BSPRY: variants seen among roughly 807,000 people sequenced by gnomAD.
BSPRY encodes the protein B box and SPRY domain-containing protein.
A neutral mutation model predicts 38.0 loss-of-function variants in BSPRY; 33 were observed. That is an observed-to-expected ratio of 0.87 (90% CI 0.66 to 1.16). The LOEUF is 1.16. Among genes scored for constraint, BSPRY ranks in the 50% most tolerant of loss-of-function variants. The probability of loss-of-function intolerance (pLI) is 0.00; values close to 1 mark genes in which losing one functional copy is unlikely to be tolerated. For synonymous variants in BSPRY, 224 were observed against 228.5 expected (o/e 0.98, Z 0.18); for missense variants, 523 against 533.2 (o/e 0.98, Z 0.19).
In BSPRY at chr9:113,349,716, G is replaced by T. The variant is rs1463893255; in HGVS notation, c.137G>T (p.Gly46Val). ...ERRPVCAACAGLGGRCRGHRI... is the reference protein window; with the variant it reads ...ERRPVCAACAVLGGRCRGHRI... ...CGGCCCGTGTGCGCCGCCTGCGCGGGGTTGGGCGGTCGCTGCCGGGGGCAC... is the reference window on the plus strand; with the variant it reads ...CGGCCCGTGTGCGCCGCCTGCGCGGTGTTGGGCGGTCGCTGCCGGGGGCAC... The change falls in exon 1 of 6, where the codon GGG becomes GTG. Residue 46 changes from glycine to valine, a missense_variant. Coordinates refer to ENST00000374183, the MANE Select transcript of BSPRY (RefSeq NM_017688.3). 2 of 1,239,692 alleles carry T rather than the reference G, an allele frequency of 1.6e-6. No individual in the cohort carries two copies. Among genetic ancestry groups the T allele is most frequent in the East Asian group, 6.6e-5 (2 of 30,458 alleles). 76.8% of individuals were successfully genotyped at this position (1,239,692 alleles called of 1,614,324 possible). A position where few individuals can be genotyped will look rare whatever the true frequency, so the allele number is the denominator to read the frequency against.
Position 113,369,892 on chromosome 9 carries a change from A to G in BSPRY, c.959A>G (p.His320Arg). The G allele has an allele frequency of 1.2e-6, 2 of 1,614,236 alleles. No homozygotes were observed. Among genetic ancestry groups the G allele is most frequent in the Non-Finnish European group, 1.7e-6 (2 of 1,180,032 alleles). ...TCTGGCAGTGACTGCCGTCTGGGCC[A>G]CAATGCCTTCTCCTGGGTCTTCTCT... ...KGSGSDCRLG[H>R]NAFSWVFSRY... is the part of the protein sequence containing the mutation. Residue 320 changes from histidine to arginine, a missense_variant, in exon 6 of 6, where the codon CAC becomes CGC. His to Arg is a conservative substitution (Grantham distance 29). Coordinates refer to ENST00000374183, the MANE Select transcript of BSPRY (RefSeq NM_017688.3).
Position 113,369,906 on chromosome 9 carries a change from TG to T in BSPRY, c.976del (p.Val326SerfsTer31), listed in dbSNP as rs1175524522. The T allele has an allele frequency of 6.2e-7, 1 of 1,614,120 alleles. No homozygotes were observed. Among genetic ancestry groups the T allele is most frequent in the African/African-American group, 1.3e-5 (1 of 74,948 alleles). On this transcript the variant is annotated frameshift_variant, in exon 6 of 6. Coordinates refer to ENST00000374183, the MANE Select transcript of BSPRY (RefSeq NM_017688.3). LOFTEE classifies it high-confidence loss of function. Reference sequence around the variant, plus strand: ...CCGTCTGGGCCACAATGCCTTCTCCTGGGTCTTCTCTCGCTATGATCAGGAG... The same window carrying T: ...CCGTCTGGGCCACAATGCCTTCTCCTGGTCTTCTCTCGCTATGATCAGGAG... ...DCRLGHNAFSWVFSRYDQEFR... is the reference protein window; with the variant it reads ...DCRLGHNAFSXVFSRYDQEFR...
chr9:113,366,938 G>A (rs946835052), intron 4 of BSPRY, among the ~76,000 whole-genome samples: 4 of 152,298 alleles, frequency 2.6e-5, no homozygotes, highest in South Asian at 2.1e-4. Context: ...GTGTGTACTC[G>A]GAACCACTGC....
rs745872082 is a variant in BSPRY at position 113,370,074 on chromosome 9, G to A, written c.1141G>A (p.Val381Met). Reference protein sequence around the residue: ...ASGTVLCAHHVSFPGPLFPVF... With the variant: ...ASGTVLCAHHMSFPGPLFPVF... ...CGGCACAGTGCTCTGTGCCCATCAT[G>A]TGTCCTTCCCGGGGCCCCTCTTCCC... The change falls in exon 6 of 6, where the codon GTG (valine) becomes ATG (methionine). Residue 381 changes from valine (V) to methionine (M), a missense_variant. Coordinates refer to ENST00000374183, the MANE Select transcript of BSPRY (RefSeq NM_017688.3). This position sits in a 1 kb window ranked among gnomAD's most constrained non-coding sequence, Gnocchi z 4.8. 3.7e-6 allele frequency: 6 copies of A among 1,612,310 alleles called. No individual in the cohort carries two copies. Among genetic ancestry groups the A allele is most frequent in the Non-Finnish European group, 5.1e-6 (6 of 1,179,300 alleles).
At chr9:113,354,441 A>G in intron 2 of BSPRY, 103 bp downstream of exon 2, 1 of 826,290 alleles carries the variant, frequency 1.2e-6, no homozygotes, top group Non-Finnish European at 2.0e-6. Context: ...TCACAGACTC[A>G]TTGTGCTACT....
chr9:113,349,817 G>A, intron 1 of BSPRY, 37 bp downstream of exon 1: 1 of 1,216,348 alleles, frequency 8.2e-7, no homozygotes, highest in Non-Finnish European at 1.0e-6. Flanking sequence ...GAGGGCTCCG[G>A]AGACCCCGGG....
intron 5 of BSPRY, 144 bp from the exon 6 acceptor site, chr9:113,369,472 C>A: frequency 1.2e-6 from 1 of 804,878 alleles, no homozygotes; most frequent in Non-Finnish European, 2.0e-6. Flanking sequence ...TTTTGACCCC[C>A]GTTTTGCAGA....
At chr9:113,354,126 G>A (rs1834017243) in intron 1 of BSPRY, 114 bp from the exon 2 acceptor site, 2 of 775,518 alleles carry the variant, frequency 2.6e-6, no homozygotes, top group Non-Finnish European at 4.5e-6. Context: ...TGAGATCTGG[G>A]CTATGACCAT....
At chr9:113,356,223 G>A (rs750607094) in intron 2 of BSPRY, among the ~76,000 whole-genome samples, 3 of 152,170 alleles carry the variant, frequency 2.0e-5, no homozygotes, top group African/African-American at 4.8e-5. Flanking sequence ...AGAAGGTTGA[G>A]GCTGGGCGCA....
chr9:113,370,422 A>T lies in BSPRY; in HGVS notation c.*280A>T. ...ATAGCTGATGAGCTAAAAAAAAAAA[A>T]AAAGTCTGTGTATAATTTTTGTGAT... is the stretch of plus-strand genomic sequence containing the variant. On this transcript the variant is annotated 3_prime_UTR_variant, in exon 6 of 6. Coordinates refer to ENST00000374183, the MANE Select transcript of BSPRY (RefSeq NM_017688.3). The surrounding 1 kb of genome is among the most constrained non-coding windows in gnomAD (Gnocchi z 4.8). The T allele has an allele frequency of 3.2e-6, 1 of 308,314 alleles. No individual in the cohort carries two copies. Among genetic ancestry groups the T allele is most frequent in the East Asian group, 5.6e-5 (1 of 17,930 alleles). The allele number at this position is 308,314 out of a possible 1,614,324, so 19.1% of individuals were successfully genotyped here.
At chr9:113,355,868 G>C (rs1009893899) in intron 2 of BSPRY, among the ~76,000 whole-genome samples, 1 of 151,898 alleles carries the variant, frequency 6.6e-6, no homozygotes, top group African/African-American at 2.4e-5. Flanking sequence ...TGCCCACCTC[G>C]GCCTCCCAAA....
intron 1 of BSPRY, among the ~76,000 whole-genome samples, chr9:113,350,048 A>G (rs1228155939): frequency 6.6e-6 from 1 of 152,208 alleles, no homozygotes; most frequent in Non-Finnish European, 1.5e-5. Context: ...AACAACAATA[A>G]TAATAGCGCG....
chr9:113,356,182 A>T (rs183778467), intron 2 of BSPRY, among the ~76,000 whole-genome samples: 4 of 152,166 alleles, frequency 2.6e-5, no homozygotes, highest in African/African-American at 4.8e-5. Context: ...GGTTGCAATT[A>T]CATGTGCTGT....
chr9:113,369,723 G>A lies in BSPRY; in HGVS notation c.790G>A (p.Asp264Asn). 1 of 1,614,248 alleles carries A rather than the reference G, an allele frequency of 6.2e-7. No individual in the cohort carries two copies. The highest frequency in any genetic ancestry group is 2.2e-5 in the East Asian group (1 of 44,886). Residue 264 changes from aspartate to asparagine, a missense_variant, in exon 6 of 6, where the codon GAT becomes AAT. Coordinates refer to ENST00000374183, the MANE Select transcript of BSPRY (RefSeq NM_017688.3). Reference sequence around the variant, plus strand: ...CACCAAGAAGTCAAAGGCCTGTGCAGATGGCCCGGAGCGCTTCGACCACTG... The same window carrying A: ...CACCAAGAAGTCAAAGGCCTGTGCAAATGGCCCGGAGCGCTTCGACCACTG... The part of the protein sequence containing the change: ...FSTKKSKACA[D>N]GPERFDHWPN...
At chr9:113,355,422 C>T (rs1166558994) in intron 2 of BSPRY, among the ~76,000 whole-genome samples, 1 of 152,134 alleles carries the variant, frequency 6.6e-6, no homozygotes, top group East Asian at 1.9e-4. Context: ...AGGGGCTAGA[C>T]CAGGAACCAG....
rs1023118217 is a variant in BSPRY, at chr9:113,370,965, C to T, written c.*823C>T. 6.6e-5 allele frequency: 10 copies of T among 152,254 alleles called. No individual in the cohort carries two copies. The highest frequency in any genetic ancestry group is 1.3e-4 in the Admixed American group (2 of 15,288). 9.4% of individuals were successfully genotyped at this position (152,254 alleles called of 1,614,324 possible). A position where few individuals can be genotyped will look rare whatever the true frequency, so the allele number is the denominator to read the frequency against. ...GGACCGTGTCCTCCCCCATGTCCTG[C>T]CTAGGCCCTCAGAGGACCAGGGGAT... On this transcript the variant is annotated 3_prime_UTR_variant, in exon 6 of 6. Transcript: ENST00000374183. This position sits in a 1 kb window ranked among gnomAD's most constrained non-coding sequence, Gnocchi z 4.8.
rs1375276540 is a variant in BSPRY at position 113,370,324 on chromosome 9, G to A, written c.*182G>A. 10 of 648,882 alleles carry A rather than the reference G, an allele frequency of 1.5e-5. No homozygotes were observed. Among genetic ancestry groups the A allele is most frequent in the Non-Finnish European group, 2.0e-5 (9 of 440,010 alleles). 40.2% of individuals were successfully genotyped at this position (648,882 alleles called of 1,614,324 possible). ...TCTAGGCATAACCTGTAAATCACAG[G>A]TGTCCAAACTTTTGGCTTCCCTGGG... On this transcript the variant is annotated 3_prime_UTR_variant, in exon 6 of 6. Transcript: ENST00000374183. The surrounding 1 kb of genome is among the most constrained non-coding windows in gnomAD (Gnocchi z 4.8).
chr9:113,362,174 G>GGTGGGTGTGTGTGT lies in BSPRY; in HGVS notation c.532-192_532-191insGGTGTGTGTGTGTG, dbSNP rs368410256. Among the ~76,000 whole-genome samples, 118 of 141,344 alleles carry GGTGGGTGTGTGTGT rather than the reference G, an allele frequency of 8.3e-4. 1 individual carries two copies. In the East Asian group the frequency reaches 0.022, roughly 26 times the overall value. 92.7% of individuals were successfully genotyped at this position (141,344 alleles called of 152,430 possible). ...TGATTCATTCTGAGCATGTGTTATG[G>GGTGGGTGTGTGTGT]GTGTGTGTGTGTGTGTGTGTGTGTG... On this transcript the variant is annotated intron_variant, in intron 3 of 5. Coordinates refer to ENST00000374183, the MANE Select transcript of BSPRY (RefSeq NM_017688.3).
intron 3 of BSPRY, among the ~76,000 whole-genome samples, 195 bp from the exon 4 acceptor site, chr9:113,362,174 G>GGTGTGTGTGTGTGTGTGT (rs10600721): frequency 1.4e-5 from 2 of 141,248 alleles, no homozygotes; most frequent in African/African-American, 5.3e-5. Flanking sequence ...ATGTGTTATG[G>GGTGTGTGTGTGTGTGTGT]GTGTGTGTGT....
Sources: gnomAD v4.1 joint callset for allele counts (sites outside exome capture counted in the v4.1 genomes callset) on GRCh38, gnomAD v4.1.1 for gene constraint, Gnocchi (gnomAD v3.1) non-coding constraint, MANE v1.5 for transcripts, NCBI Gene and HGNC (gene_info 2026-07-23, HGNC 2026-07-21) for gene names.